CNNM2: variants seen among roughly 807,000 people sequenced by gnomAD.
CNNM2 encodes cyclin and CBS domain divalent metal cation transport mediator 2, also known as metal transporter CNNM2.
In CNNM2, 12 loss-of-function variants were observed where a neutral mutation model predicts 66.9. That is an observed-to-expected ratio of 0.18 (90% CI 0.11 to 0.29). CNNM2 has a LOEUF of 0.29. CNNM2 is among the 10% of genes least tolerant of loss of function. CNNM2 has a pLI of 1.00. For synonymous variants in CNNM2, 557 were observed against 501.8 expected, an observed-to-expected ratio of 1.11 and a Z score of -1.47; for missense variants, 705 against 1,167.7, an observed-to-expected ratio of 0.60 and a Z score of 5.77.
chr10:102,928,699 GAA>G (rs1412095630), intron 1 of CNNM2, among the ~76,000 whole-genome samples: 1 of 152,130 alleles, frequency 6.6e-6, no homozygotes, highest in Non-Finnish European at 1.5e-5. Flanking sequence ...ACATAGCAGA[GAA>G]ATGGAAGGTG....
intron 1 of CNNM2, among the ~76,000 whole-genome samples, chr10:102,928,274 C>T (rs1375763114): frequency 1.3e-5 from 2 of 152,184 alleles, no homozygotes; most frequent in Non-Finnish European, 2.9e-5. Context: ...CAAAATACCA[C>T]AGACTGGGTA....
chr10:102,970,231 G>GT (rs1261461512), intron 1 of CNNM2, among the ~76,000 whole-genome samples: 19 of 152,324 alleles, frequency 1.2e-4, no homozygotes, highest in African/African-American at 4.6e-4. Flanking sequence ...TGGGAGGATT[G>GT]TTTGAGCTGA....
At chr10:102,938,233 C>G (rs1367704121) in intron 1 of CNNM2, among the ~76,000 whole-genome samples, 2 of 150,322 alleles carry the variant, frequency 1.3e-5, no homozygotes, top group Admixed American at 6.6e-5. Context: ...ATCAGGAGTT[C>G]GAGACCAGCC....
In CNNM2 at chr10:102,918,338, C is replaced by A; in HGVS notation, c.-143C>A. 1 of 1,374,544 alleles carries A rather than the reference C, an allele frequency of 7.3e-7. No individual in the cohort carries two copies. The highest frequency in any genetic ancestry group is 1.5e-5 in the African/African-American group (1 of 66,300). The allele number at this position is 1,374,544 out of a possible 1,614,324, so 85.1% of individuals were successfully genotyped here. A position where few individuals can be genotyped will look rare whatever the true frequency, so the allele number is the denominator to read the frequency against. ...GCGAGCCTCGGGGTTCCTCAGCTGG[C>A]TGAGGTGGAGTCAGTGTCAGTCAGG... On this transcript the variant is annotated 5_prime_UTR_variant, in exon 1 of 8. It adds an upstream start codon to the 5' untranslated region. Transcript: ENST00000369878. This position sits in a 1 kb window ranked among gnomAD's most constrained non-coding sequence, Gnocchi z 4.1.
At chr10:103,030,957 G>A (rs1373247809) in intron 1 of CNNM2, among the ~76,000 whole-genome samples, 2 of 152,124 alleles carry the variant, frequency 1.3e-5, no homozygotes, top group African/African-American at 4.8e-5. Context: ...TTGGACAAGA[G>A]GAGGAGGAGG....
intron 1 of CNNM2, among the ~76,000 whole-genome samples, chr10:103,041,669 T>C (rs1255959362): frequency 6.6e-6 from 1 of 152,228 alleles, no homozygotes; most frequent in East Asian, 1.9e-4. Context: ...GCATCTTCTG[T>C]CGCCAAAATC....
rs538343277 is a variant in CNNM2, at chr10:103,071,262, T to C, written c.2168-512T>C. On this transcript the variant is annotated intron_variant, in intron 5 of 7. Transcript: ENST00000369878. ...TCCCAGGAAATCTGTGTATGCGTTC[T>C]TTACTTACTTTCCTCTATGTTGAGA... Among the ~76,000 whole-genome samples the C allele has an allele frequency of 4.1e-4, 62 of 152,350 alleles. 1 individual carries two copies. In the South Asian group the frequency reaches 0.013, roughly 31 times the overall value.
intron 1 of CNNM2, among the ~76,000 whole-genome samples, chr10:102,982,795 A>G (rs1204519423): frequency 1.3e-5 from 2 of 152,202 alleles, no homozygotes; most frequent in Non-Finnish European, 2.9e-5. Flanking sequence ...GTGGTTGAAG[A>G]ATACATTTTT....
intron 2 of CNNM2, among the ~76,000 whole-genome samples, chr10:103,050,269 C>T (rs896144034): frequency 1.4e-4 from 21 of 152,198 alleles, no homozygotes; most frequent in South Asian, 4.1e-4. Flanking sequence ...TGGTGGCTCA[C>T]GTGTGTAATC....
intron 1 of CNNM2, among the ~76,000 whole-genome samples, chr10:102,979,560 CTA>C (rs1376950566): frequency 6.6e-6 from 1 of 152,156 alleles, no homozygotes; most frequent in African/African-American, 2.4e-5. Context: ...CTGAGCATGT[CTA>C]TGTTTAATAT....
chr10:103,068,568 A>G (rs1306333672), intron 4 of CNNM2, 61 bp from the exon 5 acceptor site: 1 of 1,325,786 alleles, frequency 7.5e-7, no homozygotes, highest in African/African-American at 1.5e-5. Flanking sequence ...CAAATATTGT[A>G]CAGAGTGTGC....
intron 1 of CNNM2, among the ~76,000 whole-genome samples, chr10:103,030,375 G>A (rs887275898): frequency 6.6e-6 from 1 of 152,172 alleles, no homozygotes; most frequent in African/African-American, 2.4e-5. Flanking sequence ...GAAGTAATGA[G>A]GACTTGGAAT....
chr10:103,021,549 G>A (rs973759030), intron 1 of CNNM2, among the ~76,000 whole-genome samples: 45 of 152,240 alleles, frequency 3.0e-4, no homozygotes, highest in African/African-American at 1.0e-3. Context: ...TACCCGAAAC[G>A]CCAGAGTTCT....
In CNNM2 at chr10:102,919,970, T is replaced by C; in HGVS notation, c.1490T>C (p.Val497Ala). The C allele has an allele frequency of 6.2e-7, 1 of 1,614,248 alleles. No individual in the cohort carries two copies. The change falls in exon 1 of 8, where the codon GTC becomes GCC. Residue 497 changes from valine to alanine, a missense_variant. Coordinates refer to ENST00000369878, the MANE Select transcript of CNNM2 (RefSeq NM_017649.5). Reference sequence around the variant, plus strand: ...TCCAATATCGTGGACCTGCTGTTTGTCAAAGACTTGGCCTTCGTGGATCCC... The same window carrying C: ...TCCAATATCGTGGACCTGCTGTTTGCCAAAGACTTGGCCTTCGTGGATCCC... ...ERSNIVDLLF[V>A]KDLAFVDPDD... is the part of the protein sequence containing the mutation.
chr10:102,942,233 T>G (rs1462737704), intron 1 of CNNM2, among the ~76,000 whole-genome samples: 1 of 152,226 alleles, frequency 6.6e-6, no homozygotes, highest in Non-Finnish European at 1.5e-5. Flanking sequence ...TTCAGTAGTA[T>G]TAAGTACATT....
chr10:102,975,835 A>G (rs2063620278), intron 1 of CNNM2, among the ~76,000 whole-genome samples: 1 of 152,204 alleles, frequency 6.6e-6, no homozygotes. Flanking sequence ...GAGAAAACTT[A>G]GGTGTATTAT....
At chr10:103,074,849 T>C (rs1385938887) in intron 6 of CNNM2, among the ~76,000 whole-genome samples, 1 of 152,024 alleles carries the variant, frequency 6.6e-6, no homozygotes. Context: ...GAAAAAAATA[T>C]TAGGAGAAAG....
At position 103,085,252 on chromosome 10, in the gene CNNM2, G is replaced by T. The variant is rs980115814; in HGVS notation, c.*8072G>T. 6.6e-6 allele frequency: 1 copy of T among 152,196 alleles called. No homozygotes were observed. Among genetic ancestry groups the T allele is most frequent in the Admixed American group, 6.5e-5 (1 of 15,288 alleles). 9.4% of individuals were successfully genotyped at this position (152,196 alleles called of 1,614,324 possible). ...AGATGGGGCCAGTTTTCCTACTGCA[G>T]TTCTACTAAGTCATTGACTTGAGGT... On this transcript the variant is annotated 3_prime_UTR_variant, in exon 8 of 8. Transcript: ENST00000369878.
At chr10:103,045,425 A>G (rs2065111851) in intron 1 of CNNM2, among the ~76,000 whole-genome samples, 1 of 152,194 alleles carries the variant, frequency 6.6e-6, no homozygotes, top group Non-Finnish European at 1.5e-5. Context: ...TGCCAAGTTA[A>G]GAAAGGGCCA....
Sources: gnomAD v4.1 joint callset for allele counts (sites outside exome capture counted in the v4.1 genomes callset) on GRCh38, gnomAD v4.1.1 for gene constraint, Gnocchi (gnomAD v3.1) non-coding constraint, MANE v1.5 for transcripts, NCBI Gene and HGNC (gene_info 2026-07-23, HGNC 2026-07-21) for gene names.